UGGT1: variants seen among roughly 807,000 people sequenced by gnomAD.
The protein encoded by UGGT1 is UDP-glucose:glycoprotein glucosyltransferase 1.
In UGGT1, 107 loss-of-function variants were observed where a neutral mutation model predicts 203.9. The ratio of observed to expected loss-of-function variants is 0.52; its 90% CI spans 0.45 to 0.62. The LOEUF (loss-of-function observed/expected upper bound fraction) is 0.62. Ranked by LOEUF, UGGT1 falls within the 20% of genes least tolerant of loss-of-function variation. The pLI is 0.00. For missense variants in UGGT1, 1,673 were observed against 1,867.2 expected (o/e 0.90, Z 1.92); for synonymous variants, 628 against 653.5 (o/e 0.96, Z 0.59).
chr2:128,121,402 A>ATTAT, intron 10 of UGGT1, 104 bp downstream of exon 10: 7 of 472,760 alleles, frequency 1.5e-5, no homozygotes, highest in East Asian at 4.6e-5. Flanking sequence ...GAAAATTAAG[A>ATTAT]TTCTTTTTTT....
chr2:128,156,812 C>T (rs552047608), intron 21 of UGGT1, among the ~76,000 whole-genome samples: 5 of 152,126 alleles, frequency 3.3e-5, no homozygotes, highest in Non-Finnish European at 7.4e-5. Context: ...TCAAGTGATC[C>T]ACCCTCCTGA....
chr2:128,171,124 A>G, intron 27 of UGGT1, 81 bp from the exon 28 acceptor site: 5 of 1,269,456 alleles, frequency 3.9e-6, no homozygotes, highest in South Asian at 1.4e-5. Context: ...TCTTTTCTTG[A>G]GATATTAATA....
intron 5 of UGGT1, 57 bp from the exon 6 acceptor site, chr2:128,113,027 A>T: frequency 7.1e-7 from 1 of 1,399,970 alleles, no homozygotes; most frequent in East Asian, 2.5e-5. Context: ...ATTTTGTGAC[A>T]TTTTTAGTGT....
chr2:128,186,212 C>G (rs932371019), intron 38 of UGGT1, among the ~76,000 whole-genome samples: 1 of 152,200 alleles, frequency 6.6e-6, no homozygotes, highest in Admixed American at 6.5e-5. Context: ...TGAATAACTT[C>G]TCTAAGGCAT....
At position 128,182,309 on chromosome 2, in the gene UGGT1, C is replaced by G. The variant is rs200811611; in HGVS notation, c.4244+19C>G. On this transcript the variant is annotated intron_variant, in intron 37 of 40. Coordinates refer to ENST00000259253, the MANE Select transcript of UGGT1 (RefSeq NM_020120.4). Reference sequence around the variant, plus strand: ...ATATCAGGTACTGAAAAGAAGCACTCCTAACACTGTTACGGGGTTTTCCTT... The same window carrying G: ...ATATCAGGTACTGAAAAGAAGCACTGCTAACACTGTTACGGGGTTTTCCTT... 2.3e-4 allele frequency: 361 copies of G among 1,597,074 alleles called. No homozygotes were observed. Among genetic ancestry groups the G allele is most frequent in the Admixed American group, 1.0e-3 (58 of 56,162 alleles).
At position 128,145,828 on chromosome 2, in the gene UGGT1, C is replaced by A. The variant is rs1378985130; in HGVS notation, c.1877C>A (p.Thr626Asn). Residue 626 changes from threonine to asparagine, a missense_variant, in exon 18 of 41, where the codon ACT (threonine) becomes AAT (asparagine). Coordinates refer to ENST00000259253, the MANE Select transcript of UGGT1 (RefSeq NM_020120.4). ...RKEARGYYEQ[T>N]GVGPLPVVLF... is the part of the protein sequence containing the mutation. ...GAAGCAAGAGGCTACTATGAGCAGA[C>A]TGGAGTTGGACCTCTGCCCGTTGTG... 1 of 1,607,084 alleles carries A rather than the reference C, an allele frequency of 6.2e-7. No homozygotes were observed. Among genetic ancestry groups the A allele is most frequent in the Admixed American group, 1.7e-5 (1 of 59,030 alleles).
chr2:128,143,220 C>A lies in UGGT1; in HGVS notation c.1846C>A (p.Arg616=). The change falls in exon 17 of 41, where the codon CGG becomes AGG. Residue 616 remains arginine (R), a synonymous_variant. Transcript: ENST00000259253. ...GATTGATTCTGCTTATGATCGGAAT[C>A]GGAAGGTAAAAAATTTCTTTGTGTT... ...LGIDSAYDRN[R]KEARGYYEQT... is the part of the protein sequence containing the mutation. The A allele has an allele frequency of 6.2e-7, 1 of 1,612,876 alleles. No individual in the cohort carries two copies.
Position 128,157,312 on chromosome 2 carries a change from G to T in UGGT1, c.2321G>T (p.Gly774Val). ...WIVGDFDSPS[G>V]RQLLYDAIKH... ...GTTGGGGATTTTGATAGCCCTTCTGGACGGCAGTTACTGTATGATGCCATC... is the reference window on the plus strand; with the variant it reads ...GTTGGGGATTTTGATAGCCCTTCTGTACGGCAGTTACTGTATGATGCCATC... The change falls in exon 22 of 41, where the codon GGA becomes GTA. Residue 774 changes from glycine to valine, a missense_variant. Physicochemically the swap from Gly to Val is moderately radical, Grantham distance 109 (BLOSUM62 -3). Around this residue, in one of 4 missense-constraint regions of UGGT1, gnomAD observed 1,073 missense variants for 1,078.7 expected, o/e 0.99. Coordinates refer to ENST00000259253, the MANE Select transcript of UGGT1 (RefSeq NM_020120.4). 6.2e-7 allele frequency: 1 copy of T among 1,614,106 alleles called. No homozygotes were observed. Among genetic ancestry groups the T allele is most frequent in the East Asian group, 2.2e-5 (1 of 44,886 alleles).
At chr2:128,178,003 A>T (rs1348006141) in intron 33 of UGGT1, 83 bp downstream of exon 33, 1 of 1,219,276 alleles carries the variant, frequency 8.2e-7, no homozygotes, top group East Asian at 2.5e-5. Flanking sequence ...GCATCTTGTG[A>T]TTCTGTCTGG....
intron 2 of UGGT1, among the ~76,000 whole-genome samples, chr2:128,101,199 C>T (rs1573492985): frequency 6.6e-6 from 1 of 152,150 alleles, no homozygotes; most frequent in Admixed American, 6.5e-5. Flanking sequence ...GCTAGCAGAG[C>T]CCACCATTCT....
At chr2:128,138,406 T>C (rs760582360) in intron 15 of UGGT1, among the ~76,000 whole-genome samples, 3 of 152,154 alleles carry the variant, frequency 2.0e-5, no homozygotes, top group Non-Finnish European at 4.4e-5. Flanking sequence ...TCGCAGCTAC[T>C]TGGGAGGCTG....
chr2:128,100,033 C>CCCA (rs1558748210), intron 2 of UGGT1, among the ~76,000 whole-genome samples: 1 of 71,778 alleles, frequency 1.4e-5, no homozygotes, highest in Non-Finnish European at 2.8e-5. Context: ...CCCCCCCACC[C>CCCA]TACTTATTTT....
chr2:128,163,280 A>C (rs190754381), intron 25 of UGGT1, among the ~76,000 whole-genome samples: 1 of 124,854 alleles, frequency 8.0e-6, no homozygotes, highest in Admixed American at 7.6e-5. Flanking sequence ...TTCATAGGAA[A>C]TGTATGTAGG....
intron 20 of UGGT1, among the ~76,000 whole-genome samples, chr2:128,156,118 AT>A: frequency 6.6e-6 from 1 of 152,248 alleles, no homozygotes; most frequent in South Asian, 2.1e-4. Context: ...TAAGTCAGCT[AT>A]TTTTACCGCC....
At chr2:128,150,714 G>C (rs1265802316) in intron 18 of UGGT1, among the ~76,000 whole-genome samples, 1 of 147,120 alleles carries the variant, frequency 6.8e-6, no homozygotes, top group African/African-American at 2.5e-5. Flanking sequence ...TGTACAACAG[G>C]CTTCAGGACA....
chr2:128,091,332 TGTGGCG>T lies in UGGT1; in HGVS notation c.-24_-19del, dbSNP rs780066516. 1 of 1,547,538 alleles carries T rather than the reference TGTGGCG, an allele frequency of 6.5e-7. No individual in the cohort carries two copies. ...CCTGCCCTGGCGTTGTCTCTGGCAC[TGTGGCG>T]GACTGACCACGGCCCGGGCATGGGC... On this transcript the variant is annotated 5_prime_UTR_variant, in exon 1 of 41. Transcript: ENST00000259253.
In UGGT1 at chr2:128,091,375, C is replaced by G; in HGVS notation, c.18C>G (p.Asp6Glu). The stretch of plus-strand genomic sequence containing the variant: ...GCCCGGGCATGGGCTGCAAGGGAGA[C>G]GCGAGCGGTGCGTGTGCCGCGGGTG... MGCKG[D>E]ASGACAAGAL... The change falls in exon 1 of 41, where the codon GAC becomes GAG. Residue 6 changes from aspartate (D) to glutamate (E), a missense_variant. Physicochemically the swap from Asp to Glu is conservative, Grantham distance 45. This residue lies in a region of UGGT1 where 83 missense variants were observed against 87.2 expected (regional missense o/e 0.95). Coordinates refer to ENST00000259253, the MANE Select transcript of UGGT1 (RefSeq NM_020120.4). The G allele has an allele frequency of 6.4e-7, 1 of 1,573,438 alleles. No homozygotes were observed. The highest frequency in any genetic ancestry group is 8.6e-7 in the Non-Finnish European group (1 of 1,159,610).
chr2:128,125,357 T>A (rs941554590), intron 11 of UGGT1, among the ~76,000 whole-genome samples: 1 of 152,182 alleles, frequency 6.6e-6, no homozygotes, highest in African/African-American at 2.4e-5. Context: ...CTTAAAGGGC[T>A]TTATATCAGA....
intron 18 of UGGT1, 81 bp from the exon 19 acceptor site, chr2:128,152,703 T>C (rs1436475073): frequency 1.3e-6 from 2 of 1,530,340 alleles, no homozygotes; most frequent in East Asian, 2.3e-5. Flanking sequence ...ATAAAGTTAA[T>C]AATTTTTTGG....
Sources: allele counts gnomAD v4.1 joint callset (sites outside exome capture counted in the v4.1 genomes callset), GRCh38; gene constraint gnomAD v4.1.1; regional missense constraint gnomAD v4.1.1; transcripts MANE v1.5; gene names NCBI Gene and HGNC (gene_info 2026-07-23, HGNC 2026-07-21).